The following SEM1 variants were observed in gnomAD, a reference collection of about 807,000 sequenced individuals.
SEM1 encodes SEM1 26S proteasome subunit, also known as 26S proteasome complex subunit SEM1.
In SEM1, 3 loss-of-function variants were observed where a neutral mutation model predicts 12.7. The ratio of observed to expected loss-of-function variants is 0.24; its 90% CI spans 0.11 to 0.61. SEM1 has a LOEUF of 0.61. SEM1 is among the 20% of genes least tolerant of loss of function. The pLI is 0.88. For missense variants in SEM1, 59 were observed against 81.3 expected (o/e 0.73, Z 1.06); for synonymous variants, 30 against 27.8 (o/e 1.08, Z -0.25).
At chr7:96,490,263 T>C (rs1249034340) in intron 1 of SEM1, among the ~76,000 whole-genome samples, 1 of 152,202 alleles carries the variant, frequency 6.6e-6, no homozygotes, top group African/African-American at 2.4e-5. Context: ...GAAGTGTTTA[T>C]CTGTATGACT....
In SEM1 at chr7:96,629,308, G is replaced by A. The variant is rs180825513; in HGVS notation, c.171-6665C>T. Among the ~76,000 whole-genome samples, 151 of 151,920 alleles carry A rather than the reference G, an allele frequency of 9.9e-4. 1 individual carries two copies. The highest frequency in any genetic ancestry group is 3.3e-3 in the Admixed American group (50 of 15,250). On this transcript the variant is annotated intron_variant, in intron 2 of 2. Transcript: ENST00000417009. ...CTTTTGCAGCTATTTTCTAGATCCC[G>A]CAGGTATGCTTCATTGCTTTTTTAT...
At chr7:96,642,499 T>C (rs1016975642) in intron 2 of SEM1, among the ~76,000 whole-genome samples, 3 of 152,012 alleles carry the variant, frequency 2.0e-5, no homozygotes, top group South Asian at 2.1e-4. Context: ...TCTTTTTTTT[T>C]CTCATAGTTT....
intron 2 of SEM1, among the ~76,000 whole-genome samples, chr7:96,597,166 A>T (rs1807024117): frequency 6.6e-6 from 1 of 152,198 alleles, no homozygotes; most frequent in South Asian, 2.1e-4. Flanking sequence ...GGGCCGGATT[A>T]TTCAATGCCT....
intron 2 of SEM1, among the ~76,000 whole-genome samples, chr7:96,540,659 G>GAA (rs780404043): frequency 6.6e-6 from 1 of 151,752 alleles, no homozygotes; most frequent in Non-Finnish European, 1.5e-5. Flanking sequence ...ACATTTGCAC[G>GAA]TTTGTTACAT....
intron 2 of SEM1, among the ~76,000 whole-genome samples, chr7:96,548,050 A>T (rs1805156946): frequency 1.3e-5 from 2 of 152,166 alleles, no homozygotes; most frequent in Non-Finnish European, 2.9e-5. Flanking sequence ...TTCACTTTCA[A>T]ACATGAGGTA....
chr7:96,484,118 A>G (rs1802658418), intron 3 of SEM1: 7 of 887,412 alleles, frequency 7.9e-6, no homozygotes, highest in Non-Finnish European at 1.6e-6. Context: ...AGATGAGAAA[A>G]CTGAGGTATA....
At chr7:96,661,199 C>T (rs1189116050) in intron 2 of SEM1, among the ~76,000 whole-genome samples, 1 of 152,148 alleles carries the variant, frequency 6.6e-6, no homozygotes, top group Non-Finnish European at 1.5e-5. Flanking sequence ...GTGCCAGATT[C>T]TGTACTCCTC....
chr7:96,683,160 T>A (rs1391674785), intron 2 of SEM1, among the ~76,000 whole-genome samples: 1 of 151,566 alleles, frequency 6.6e-6, no homozygotes, highest in East Asian at 1.9e-4. Flanking sequence ...TCCTCAAGGA[T>A]ATAGAACTAG....
intron 2 of SEM1, among the ~76,000 whole-genome samples, chr7:96,656,034 G>A (rs535507893): frequency 1.3e-3 from 202 of 152,310 alleles, no homozygotes; most frequent in African/African-American, 4.7e-3. Flanking sequence ...AAGGAATGGG[G>A]AGCATGTCCT....
downstream of SEM1, among the ~76,000 whole-genome samples, chr7:96,619,212 T>C (rs1313280305): frequency 6.6e-6 from 1 of 152,244 alleles, no homozygotes; most frequent in Non-Finnish European, 1.5e-5. Flanking sequence ...ACATCTAATG[T>C]AGCAGTTGTC....
Position 96,567,456 on chromosome 7 carries a change from T to A in SEM1, c.171-60758A>T, listed in dbSNP as rs557263872. Among the ~76,000 whole-genome samples the A allele has an allele frequency of 4.6e-5, 7 of 151,370 alleles. No homozygotes were observed. In the South Asian group the frequency reaches 1.0e-3, roughly 22 times the overall value. The stretch of plus-strand genomic sequence containing the variant: ...CAGCTGTAAAATTTAATCATATATG[T>A]AAATAATGATAATTCTGTGTCATCT... On this transcript the variant is annotated intron_variant and NMD_transcript_variant, in intron 2 of 3. Coordinates refer to the SEM1 transcript ENST00000466986.
chr7:96,523,686 C>T (rs1385766551), intron 2 of SEM1, among the ~76,000 whole-genome samples: 1 of 152,080 alleles, frequency 6.6e-6, no homozygotes, highest in East Asian at 1.9e-4. Flanking sequence ...AGTCTTCTCC[C>T]TATCTTTTCT....
At chr7:96,682,248 TTTGC>T (rs1310129624) in intron 2 of SEM1, among the ~76,000 whole-genome samples, 1 of 152,166 alleles carries the variant, frequency 6.6e-6, no homozygotes, top group Non-Finnish European at 1.5e-5. Context: ...ATCCTGATAC[TTTGC>T]TTAAGTTGCT....
At chr7:96,579,562 G>A (rs1221214876) in intron 2 of SEM1, among the ~76,000 whole-genome samples, 1 of 152,162 alleles carries the variant, frequency 6.6e-6, no homozygotes, top group Non-Finnish European at 1.5e-5. Flanking sequence ...TAGAAGAGAT[G>A]TTCAGAATCT....
At chr7:96,686,424 T>C (rs1399666385), downstream of SEM1, among the ~76,000 whole-genome samples, 1 of 152,138 alleles carries the variant, frequency 6.6e-6, no homozygotes, top group Admixed American at 6.6e-5. Context: ...ACCTCAATAA[T>C]TTAAAATCAT....
chr7:96,524,091 G>A (rs1405819951), intron 2 of SEM1, among the ~76,000 whole-genome samples: 2 of 152,084 alleles, frequency 1.3e-5, no homozygotes, highest in African/African-American at 2.4e-5. Flanking sequence ...TTTTGGACAT[G>A]CTGCCATGCT....
chr7:96,697,880 T>C (rs890521329), intron 1 of SEM1, among the ~76,000 whole-genome samples: 1 of 152,084 alleles, frequency 6.6e-6, no homozygotes, highest in Non-Finnish European at 1.5e-5. Context: ...TTTTTGAAAA[T>C]TTCACTTCTG....
intron 2 of SEM1, chr7:96,649,192 A>C (rs549534159): frequency 2.0e-5 from 3 of 152,374 alleles, no homozygotes; most frequent in South Asian, 4.1e-4. Flanking sequence ...GAAATTCAGC[A>C]GATAGATCTA....
rs1315900132 is a variant in SEM1, at chr7:96,695,665, TTAAA to T, written c.77-778_77-775del. On this transcript the variant is annotated intron_variant, in intron 1 of 2. Coordinates refer to ENST00000248566, the MANE Select transcript of SEM1 (RefSeq NM_006304.2). ...GAGTTTTATGTTACAAAAAAATAAT[TTAAA>T]TAAAGACTAGATACTATGTTCTTGA... is the stretch of plus-strand genomic sequence containing the variant. 4 of 151,866 alleles carry T rather than the reference TTAAA, an allele frequency of 2.6e-5. No individual in the cohort carries two copies. In the South Asian group the frequency reaches 6.2e-4, roughly 24 times the overall value. 9.4% of individuals were successfully genotyped at this position (151,866 alleles called of 1,614,324 possible). A position where few individuals can be genotyped will look rare whatever the true frequency, so the allele number is the denominator to read the frequency against.
Sources: allele counts gnomAD v4.1 joint callset (sites outside exome capture counted in the v4.1 genomes callset), GRCh38; gene constraint gnomAD v4.1.1; transcripts MANE v1.5; gene names NCBI Gene and HGNC (gene_info 2026-07-23, HGNC 2026-07-21).